Variants in UACA observed in about 807,000 individuals in gnomAD.
UACA encodes the protein nuclear membrane binding protein.
UACA carries 112 observed loss-of-function variants against 160.5 expected under a neutral mutation model. The observed-to-expected ratio is 0.70, with a 90% CI of 0.60 to 0.82. The LOEUF is 0.82. Ranked by LOEUF, UACA falls within the 40% of genes least tolerant of loss-of-function variation. The probability of loss-of-function intolerance (pLI) is 0.00; values close to 1 mark genes in which losing one functional copy is unlikely to be tolerated. For synonymous variants in UACA, 557 were observed against 568.4 expected (o/e 0.98, Z 0.29); for missense variants, 1,574 against 1,614.6 (o/e 0.97, Z 0.43).
rs1308076389 is a variant in UACA at position 70,691,233 on chromosome 15, C to T, written c.366+66G>A. 12 of 1,166,692 alleles carry T rather than the reference C, an allele frequency of 1.0e-5. No individual in the cohort carries two copies. In the Admixed American group the frequency reaches 2.2e-4, roughly 22 times the overall value. 72.3% of individuals were successfully genotyped at this position (1,166,692 alleles called of 1,614,324 possible). A position where few individuals can be genotyped will look rare whatever the true frequency, so the allele number is the denominator to read the frequency against. On this transcript the variant is annotated intron_variant, in intron 4 of 18. Coordinates refer to ENST00000322954, the MANE Select transcript of UACA (RefSeq NM_018003.4). ...TCTTTGATCTAAAATTCCAAAAACA[C>T]ATTAAAAGTACATCTATGATTTGTT...
chr15:70,685,545 T>C (rs935631967), intron 7 of UACA, among the ~76,000 whole-genome samples: 2 of 152,068 alleles, frequency 1.3e-5, no homozygotes, highest in African/African-American at 4.8e-5. Context: ...AAATGCTACA[T>C]ATAAAACAGG....
chr15:70,699,576 C>T lies in UACA; in HGVS notation c.163G>A (p.Ala55Thr). ...TTGCCTGGATTGACCCCCTTTTTAG[C>T]AAGGATTGAGGTCACTTTTTCTACA... is the stretch of plus-strand genomic sequence containing the variant. ...GDVEKVTSIL[A>T]KKGVNPGKLD... The change falls in exon 2 of 19, where the codon GCT becomes ACT. Residue 55 changes from alanine (A) to threonine (T), a missense_variant. Coordinates refer to ENST00000322954, the MANE Select transcript of UACA (RefSeq NM_018003.4). The T allele has an allele frequency of 6.2e-7, 1 of 1,610,312 alleles. No individual in the cohort carries two copies. The highest frequency in any genetic ancestry group is 8.5e-7 in the Non-Finnish European group (1 of 1,179,154).
chr15:70,714,856 T>C (rs1207069630), intron 1 of UACA, among the ~76,000 whole-genome samples: 3 of 152,242 alleles, frequency 2.0e-5, no homozygotes, highest in Non-Finnish European at 4.4e-5. Flanking sequence ...ATGTAAAATA[T>C]AGACAAGATG....
chr15:70,668,557 T>C lies in UACA; in HGVS notation c.2127A>G (p.Thr709=), dbSNP rs756377521. 38 of 1,612,408 alleles carry C rather than the reference T, an allele frequency of 2.4e-5. No individual in the cohort carries two copies. Among genetic ancestry groups the C allele is most frequent in the Non-Finnish European group, 3.1e-5 (36 of 1,179,804 alleles). ...GELGKKITEL[T]LKNQTLQKEI... is the part of the protein sequence containing the mutation. ...CCTTTTGTAGTGTCTGATTTTTCAA[T>C]GTTAACTCAGTGATCTTCTTCCCAA... Residue 709 remains threonine (T), a synonymous_variant, in exon 16 of 19, where the codon ACA becomes ACG. Transcript: ENST00000322954.
chr15:70,696,293 TTA>T (rs1195107166), intron 2 of UACA, among the ~76,000 whole-genome samples: 2 of 152,196 alleles, frequency 1.3e-5, no homozygotes, highest in Admixed American at 6.5e-5. Context: ...ATTACTTTCT[TTA>T]TAGTCTATCA....
intron 1 of UACA, among the ~76,000 whole-genome samples, chr15:70,747,151 A>G (rs1005388091): frequency 1.3e-5 from 2 of 151,236 alleles, no homozygotes; most frequent in Non-Finnish European, 2.9e-5. Flanking sequence ...GTATTTTGTC[A>G]CCTTTACACT....
At chr15:70,764,679 T>A (rs2030960344), upstream of UACA, among the ~76,000 whole-genome samples, 1 of 152,236 alleles carries the variant, frequency 6.6e-6, no homozygotes, top group Non-Finnish European at 1.5e-5. Flanking sequence ...AGAGGCAGCA[T>A]TCAAAGACTG....
chr15:70,769,580 TTATC>T, the UACA span, among the ~76,000 whole-genome samples: 1 of 151,488 alleles, frequency 6.6e-6, no homozygotes, highest in African/African-American at 2.4e-5. Flanking sequence ...TCATATAAAA[TTATC>T]AATAATATAT....
In UACA at chr15:70,721,626, T is replaced by TAA. The variant is rs67382101; in HGVS notation, c.79-21968_79-21967dup. ...TGGGCAACAGAGCGAGACTCCATCT[T>TAA]AAAAAAAAAAAAAAAATTACAGTTG... On this transcript the variant is annotated intron_variant, in intron 1 of 18. Coordinates refer to ENST00000322954, the MANE Select transcript of UACA (RefSeq NM_018003.4). Among the ~76,000 whole-genome samples, 166 of 141,368 alleles carry TAA rather than the reference T, an allele frequency of 1.2e-3. 2 individuals are homozygous for TAA. The South Asian group carries it at 0.015, about 12-fold the overall frequency. The allele number at this position is 141,368 out of a possible 152,430, so 92.7% of individuals were successfully genotyped here.
intron 1 of UACA, among the ~76,000 whole-genome samples, chr15:70,748,048 GC>G (rs1313287430): frequency 6.6e-6 from 1 of 152,000 alleles, no homozygotes; most frequent in Non-Finnish European, 1.5e-5. Flanking sequence ...GCAACCTAGT[GC>G]CTGGCATAGT....
chr15:70,700,301 GTATA>G (rs142277997), intron 1 of UACA, among the ~76,000 whole-genome samples: 17 of 129,860 alleles, frequency 1.3e-4, no homozygotes, highest in African/African-American at 2.7e-4. Flanking sequence ...GAGGCAAATT[GTATA>G]TATATATATA....
rs564929499 is a variant in UACA, at chr15:70,691,235, T to C, written c.366+64A>G. ...TTTGATCTAAAATTCCAAAAACACATTAAAAGTACATCTATGATTTGTTGT... is the reference window on the plus strand; with the variant it reads ...TTTGATCTAAAATTCCAAAAACACACTAAAAGTACATCTATGATTTGTTGT... On this transcript the variant is annotated intron_variant, in intron 4 of 18. Transcript: ENST00000322954. 5.1e-4 allele frequency: 615 copies of C among 1,209,152 alleles called. 2 individuals carry two copies. Among genetic ancestry groups the C allele is most frequent in the Admixed American group, 1.5e-3 (70 of 45,216 alleles). 74.9% of individuals were successfully genotyped at this position (1,209,152 alleles called of 1,614,324 possible).
intron 1 of UACA, among the ~76,000 whole-genome samples, chr15:70,720,191 T>C (rs1898948682): frequency 6.6e-6 from 1 of 152,200 alleles, no homozygotes; most frequent in Non-Finnish European, 1.5e-5. Context: ...GATTGTAGTT[T>C]ACTGAGGCCT....
At position 70,667,556 on chromosome 15, in the gene UACA, T is replaced by A. The variant is rs139290693; in HGVS notation, c.3128A>T (p.Asp1043Val). ...AATGAGAACTGTCTTATCTCTCAAA[T>A]CTTTCTGAAGGGTAAAAATCTCCTT... Reference protein sequence around the residue: ...LKKEIFTLQKDLRDKTVLIEK... With the variant: ...LKKEIFTLQKVLRDKTVLIEK... The change falls in exon 16 of 19, where the codon GAT becomes GTT. Residue 1043 changes from aspartate to valine, a missense_variant. Coordinates refer to ENST00000322954, the MANE Select transcript of UACA (RefSeq NM_018003.4). 1 of 1,613,004 alleles carries A rather than the reference T, an allele frequency of 6.2e-7. No individual in the cohort carries two copies. Among genetic ancestry groups the A allele is most frequent in the African/African-American group, 1.3e-5 (1 of 75,038 alleles).
intron 2 of UACA, among the ~76,000 whole-genome samples, chr15:70,695,917 A>G (rs1898110390): frequency 6.6e-6 from 1 of 152,238 alleles, no homozygotes; most frequent in Admixed American, 6.5e-5. Flanking sequence ...CTGTAAATCT[A>G]TGAATTATGC....
chr15:70,669,451 T>C lies in UACA; in HGVS notation c.1233A>G (p.Pro411=). The C allele has an allele frequency of 1.3e-6, 2 of 1,567,468 alleles. No homozygotes were observed. Among genetic ancestry groups the C allele is most frequent in the Non-Finnish European group, 1.7e-6 (2 of 1,162,290 alleles). Residue 411 remains proline (P), a synonymous_variant, in exon 16 of 19, where the codon CCA becomes CCG. Coordinates refer to ENST00000322954, the MANE Select transcript of UACA (RefSeq NM_018003.4). ...MYMADSQCTS[P]GIPAHMQSRS... ...TGCTTTGCATATGGGCTGGTATACCTGGGGAAGTACACTGAAAAGAAAAAA... is the reference window on the plus strand; with the variant it reads ...TGCTTTGCATATGGGCTGGTATACCCGGGGAAGTACACTGAAAAGAAAAAA...
At position 70,699,376 on chromosome 15, in the gene UACA, C is replaced by G. The variant is rs879159128; in HGVS notation, c.212+151G>C. ...GACTGGAAATATTTTAAATTGAGAA[C>G]AATTATTAGTTTGTTTGAAAGATTT... On this transcript the variant is annotated intron_variant, in intron 2 of 18. Coordinates refer to ENST00000322954, the MANE Select transcript of UACA (RefSeq NM_018003.4). 3.5e-5 allele frequency: 29 copies of G among 825,482 alleles called. 1 individual carries two copies. The South Asian group carries it at 5.4e-4, about 15-fold the overall frequency. The allele number at this position is 825,482 out of a possible 1,614,324, so 51.1% of individuals were successfully genotyped here.
chr15:70,671,921 T>G, intron 14 of UACA, 44 bp downstream of exon 14: 5 of 1,506,634 alleles, frequency 3.3e-6, no homozygotes, highest in Non-Finnish European at 4.5e-6. Flanking sequence ...CTTCTTTACT[T>G]GAACTAGGTG....
chr15:70,772,604 A>G, the UACA span, among the ~76,000 whole-genome samples: 2 of 151,996 alleles, frequency 1.3e-5, no homozygotes, highest in Admixed American at 6.6e-5. Context: ...CTGTTTGGTC[A>G]TATTGGTTTG....
Sources: gnomAD v4.1 joint callset for allele counts (sites outside exome capture counted in the v4.1 genomes callset) on GRCh38, gnomAD v4.1.1 for gene constraint, MANE v1.5 for transcripts, NCBI Gene and HGNC (gene_info 2026-07-23, HGNC 2026-07-21) for gene names.